CCDC85A: variants seen among roughly 807,000 people sequenced by gnomAD.
The protein encoded by CCDC85A is coiled-coil domain containing 85A, also known as coiled-coil domain-containing protein 85A.
A neutral mutation model predicts 50.2 loss-of-function variants in CCDC85A; 38 were observed. That is an observed-to-expected ratio of 0.76 (90% confidence interval 0.58 to 0.99). The LOEUF is 0.99. Among genes scored for constraint, CCDC85A ranks in the 50% least tolerant of loss-of-function variants. The pLI is 0.00. For missense variants in CCDC85A, 820 were observed against 742.0 expected (o/e 1.11, Z -1.22); for synonymous variants, 366 against 301.4 (o/e 1.21, Z -2.22).
At chr2:56,363,253 G>A (rs1325642494) in intron 3 of CCDC85A, among the ~76,000 whole-genome samples, 2 of 152,108 alleles carry the variant, frequency 1.3e-5, no homozygotes, top group Non-Finnish European at 2.9e-5. Context: ...TCTCGCTGAT[G>A]GTGGATTTCA....
chr2:56,365,114 C>T (rs1675726226), intron 3 of CCDC85A, among the ~76,000 whole-genome samples: 1 of 152,208 alleles, frequency 6.6e-6, no homozygotes, highest in Non-Finnish European at 1.5e-5. Flanking sequence ...CCTTCTACTA[C>T]AGGAAGATAG....
chr2:56,190,686 G>A (rs181881376), intron 1 of CCDC85A, among the ~76,000 whole-genome samples: 3 of 152,224 alleles, frequency 2.0e-5, no homozygotes, highest in Non-Finnish European at 4.4e-5. Flanking sequence ...CTGAAACACA[G>A]CCTCAGTGTG....
intron 2 of CCDC85A, among the ~76,000 whole-genome samples, chr2:56,281,974 C>A (rs545439111): frequency 2.2e-4 from 33 of 152,214 alleles, no homozygotes; most frequent in South Asian, 6.2e-4. Flanking sequence ...GTGGTCTGTA[C>A]TTGTATCCTA....
chr2:56,342,087 G>A (rs1476632656), intron 2 of CCDC85A, among the ~76,000 whole-genome samples: 1 of 151,480 alleles, frequency 6.6e-6, no homozygotes, highest in Non-Finnish European at 1.5e-5. Context: ...AACTCAAAAT[G>A]TACAAAATCA....
At chr2:56,352,844 A>G (rs538867806) in intron 3 of CCDC85A, among the ~76,000 whole-genome samples, 1 of 152,214 alleles carries the variant, frequency 6.6e-6, no homozygotes, top group Non-Finnish European at 1.5e-5. Flanking sequence ...GTCTTTAATC[A>G]GTTTTTAGAC....
intron 2 of CCDC85A, among the ~76,000 whole-genome samples, chr2:56,198,273 C>T (rs976854017): frequency 6.6e-6 from 1 of 152,222 alleles, no homozygotes; most frequent in Non-Finnish European, 1.5e-5. Flanking sequence ...CAGCACATCA[C>T]TTGTGAATGA....
intron 2 of CCDC85A, among the ~76,000 whole-genome samples, chr2:56,289,142 A>G (rs1671586233): frequency 6.6e-6 from 1 of 152,196 alleles, no homozygotes; most frequent in African/African-American, 2.4e-5. Flanking sequence ...AGTAGGCAAC[A>G]CAGGACCCAT....
Position 56,329,943 on chromosome 2 carries a change from C to CT in CCDC85A, c.1241-12935dup, listed in dbSNP as rs1336192523. ...TGAAAATTTGTTTTTTACAGATTTCCTGTTTTTTTTTTTTTTTTTTTTTTT... is the reference window on the plus strand; with the variant it reads ...TGAAAATTTGTTTTTTACAGATTTCCTTGTTTTTTTTTTTTTTTTTTTTTTT... On this transcript the variant is annotated intron_variant, in intron 2 of 5. Transcript: ENST00000407595. Among the ~76,000 whole-genome samples the CT allele has an allele frequency of 5.4e-3, 123 of 22,804 alleles. 1 individual carries two copies. Among genetic ancestry groups the CT allele is most frequent in the East Asian group, 0.021 (16 of 750 alleles). 15.0% of individuals were successfully genotyped at this position (22,804 alleles called of 152,430 possible).
chr2:56,210,464 ATC>A (rs769335744), intron 2 of CCDC85A, among the ~76,000 whole-genome samples: 5 of 152,036 alleles, frequency 3.3e-5, no homozygotes, highest in African/African-American at 4.8e-5. Flanking sequence ...GTTGTGAAAC[ATC>A]AGCCTTTCAT....
At chr2:56,256,292 C>T (rs1054985115) in intron 2 of CCDC85A, among the ~76,000 whole-genome samples, 1 of 152,146 alleles carries the variant, frequency 6.6e-6, no homozygotes, top group Non-Finnish European at 1.5e-5. Flanking sequence ...TTGGAATTGA[C>T]TACACATCTT....
intron 2 of CCDC85A, among the ~76,000 whole-genome samples, chr2:56,337,664 G>A (rs1208553159): frequency 6.6e-6 from 1 of 151,954 alleles, no homozygotes; most frequent in African/African-American, 2.4e-5. Flanking sequence ...TACTGCCAAT[G>A]TTGATTTTTT....
intron 1 of CCDC85A, among the ~76,000 whole-genome samples, chr2:56,187,418 C>T (rs137895142): frequency 0.022 from 3,343 of 152,226 alleles, 49 homozygotes; most frequent in Non-Finnish European, 0.027. Context: ...GGCCTGTGGC[C>T]GGGTCCTAGC....
chr2:56,280,559 TTAA>T (rs1465555874), intron 2 of CCDC85A, among the ~76,000 whole-genome samples: 1 of 152,240 alleles, frequency 6.6e-6, no homozygotes, highest in East Asian at 1.9e-4. Context: ...CTGAAATACC[TTAA>T]TTAACTATAA....
intron 3 of CCDC85A, among the ~76,000 whole-genome samples, chr2:56,348,920 T>A (rs1460479240): frequency 6.6e-6 from 1 of 152,192 alleles, no homozygotes; most frequent in Non-Finnish European, 1.5e-5. Context: ...GGCCATAGAT[T>A]TATGGCTCTT....
intron 2 of CCDC85A, among the ~76,000 whole-genome samples, chr2:56,341,171 C>A (rs6732854): frequency 0.22 from 33,939 of 152,048 alleles, 4,967 homozygotes; most frequent in African/African-American, 0.41. Flanking sequence ...TTCCCTTAGC[C>A]GTCTCGCATT....
At chr2:56,373,571 C>T (rs745389871) in intron 4 of CCDC85A, among the ~76,000 whole-genome samples, 13 of 152,208 alleles carry the variant, frequency 8.5e-5, no homozygotes, top group South Asian at 6.2e-4. Context: ...ATTATTGATA[C>T]GCTTATCTTT....
chr2:56,249,553 A>T (rs966159029), intron 2 of CCDC85A, among the ~76,000 whole-genome samples: 1 of 152,248 alleles, frequency 6.6e-6, no homozygotes, highest in South Asian at 2.1e-4. Flanking sequence ...TCACTGGGTC[A>T]TTGGTCAGCA....
chr2:56,265,108 C>A (rs1670380511), intron 2 of CCDC85A, among the ~76,000 whole-genome samples: 1 of 152,084 alleles, frequency 6.6e-6, no homozygotes, highest in Admixed American at 6.6e-5. Context: ...TGATGCTAGA[C>A]TTTGCTCATG....
chr2:56,346,944 T>C (rs957340779), intron 3 of CCDC85A, among the ~76,000 whole-genome samples: 1 of 152,228 alleles, frequency 6.6e-6, no homozygotes, highest in Non-Finnish European at 1.5e-5. Flanking sequence ...CGTGCTTAAA[T>C]AAATTTATTT....
Sources: gnomAD v4.1 joint callset for allele counts (sites outside exome capture counted in the v4.1 genomes callset) on GRCh38, gnomAD v4.1.1 for gene constraint, MANE v1.5 for transcripts, NCBI Gene and HGNC (gene_info 2026-07-23, HGNC 2026-07-21) for gene names.